Variants in RNF13 observed in about 807,000 individuals in gnomAD.
RNF13 encodes the protein E3 ubiquitin-protein ligase RNF13.
A neutral mutation model predicts 37.7 loss-of-function variants in RNF13; 19 were observed. The observed-to-expected ratio is 0.50, with a 90% CI of 0.35 to 0.74. RNF13 has a LOEUF of 0.74. Among genes scored for constraint, RNF13 ranks in the 30% least tolerant of loss-of-function variants. The pLI is 0.01. For synonymous variants in RNF13, 144 were observed against 157.8 expected, an observed-to-expected ratio of 0.91 and a Z score of 0.65; for missense variants, 375 against 453.0, an observed-to-expected ratio of 0.83 and a Z score of 1.56.
chr3:149,907,556 GTA>G (rs750228364), intron 6 of RNF13, among the ~76,000 whole-genome samples: 5 of 152,180 alleles, frequency 3.3e-5, no homozygotes, highest in Non-Finnish European at 7.3e-5. Flanking sequence ...GACCTCTGGA[GTA>G]AGAGCTGTGT....
chr3:149,906,622 GTCCTT>G (rs1355859051), intron 6 of RNF13, among the ~76,000 whole-genome samples: 1 of 116,098 alleles, frequency 8.6e-6, no homozygotes, highest in Non-Finnish European at 1.8e-5. Flanking sequence ...AGTGTGGTAT[GTCCTT>G]TCATTTGTTC....
chr3:149,895,305 A>G, intron 4 of RNF13, 168 bp from the exon 5 acceptor site: 1 of 472,994 alleles, frequency 2.1e-6, no homozygotes, highest in Non-Finnish European at 3.7e-6. Flanking sequence ...GATTACAGCA[A>G]GTTTCTACCT....
In RNF13 at chr3:149,839,636, CT is replaced by C. The variant is rs750722119; in HGVS notation, c.-16-6374del. ...CTCATGAGAATAGCATGGGAAAGAC[CT>C]GCCCCCATGATTCAATTAACCTCCC... On this transcript the variant is annotated intron_variant, in intron 1 of 9. Transcript: ENST00000392894. 1.9e-3 allele frequency among the ~76,000 whole-genome samples: 288 copies of C among 152,254 alleles called. 1 individual carries two copies. Among genetic ancestry groups the C allele is most frequent in the Non-Finnish European group, 3.5e-3 (236 of 68,016 alleles).
At chr3:149,902,266 T>C (rs1225625699) in intron 6 of RNF13, 104 bp downstream of exon 6, 1 of 532,942 alleles carries the variant, frequency 1.9e-6, no homozygotes, top group Non-Finnish European at 3.3e-6. Flanking sequence ...ATGAACTCTG[T>C]AGTGCTAAAT....
intron 4 of RNF13, among the ~76,000 whole-genome samples, chr3:149,891,133 C>T (rs988185907): frequency 3.3e-5 from 5 of 152,168 alleles, no homozygotes; most frequent in African/African-American, 1.2e-4. Context: ...TCTAACCTGA[C>T]AAAGCAGTGT....
At chr3:149,945,661 A>C (rs1464453837) in intron 8 of RNF13, among the ~76,000 whole-genome samples, 2 of 151,836 alleles carry the variant, frequency 1.3e-5, no homozygotes, top group Non-Finnish European at 2.9e-5. Context: ...ACTGGGAGGC[A>C]CCCCCCAGTA....
At chr3:149,952,046 C>T (rs1052022600) in intron 8 of RNF13, among the ~76,000 whole-genome samples, 6 of 152,156 alleles carry the variant, frequency 3.9e-5, no homozygotes, top group Admixed American at 3.9e-4. Flanking sequence ...TCCTCTTCAA[C>T]TCACTATGTC....
Position 149,903,937 on chromosome 3 carries a change from A to ATCTGTCTG in RNF13, c.500+1803_500+1810dup, listed in dbSNP as rs34025145. 2.3e-3 allele frequency among the ~76,000 whole-genome samples: 336 copies of ATCTGTCTG among 148,486 alleles called. 2 individuals carry two copies. Among genetic ancestry groups the ATCTGTCTG allele is most frequent in the Admixed American group, 3.7e-3 (55 of 14,932 alleles). ...TATCTATCTATCTATATATCTGTCT[A>ATCTGTCTG]TCTGTCTGTCTGTCTGTCTGTCTGT... On this transcript the variant is annotated intron_variant, in intron 6 of 9. Coordinates refer to ENST00000392894, the MANE Select transcript of RNF13 (RefSeq NM_183381.3).
intron 5 of RNF13, among the ~76,000 whole-genome samples, 163 bp from the exon 6 acceptor site, chr3:149,901,909 A>G (rs1196314642): frequency 6.6e-6 from 1 of 152,174 alleles, no homozygotes; most frequent in Non-Finnish European, 1.5e-5. Context: ...ATGTTTCTCA[A>G]CCATTTTGAT....
intron 1 of RNF13, among the ~76,000 whole-genome samples, chr3:149,830,709 G>T (rs1029426814): frequency 2.7e-5 from 4 of 150,924 alleles, no homozygotes; most frequent in Non-Finnish European, 5.9e-5. Context: ...CAAGCCAGCT[G>T]TAGAAATTTG....
At chr3:149,927,417 G>A (rs1718758915) in intron 8 of RNF13, among the ~76,000 whole-genome samples, 1 of 152,100 alleles carries the variant, frequency 6.6e-6, no homozygotes, top group South Asian at 2.1e-4. Flanking sequence ...TACACCTTTT[G>A]GCTATTGTAA....
chr3:149,921,382 A>G (rs562853284), intron 8 of RNF13, among the ~76,000 whole-genome samples, 155 bp downstream of exon 8: 84 of 152,266 alleles, frequency 5.5e-4, no homozygotes, highest in Admixed American at 5.4e-3. Context: ...TACATGTGCC[A>G]TGTTGGTTTG....
At chr3:149,855,031 C>T (rs1433153040) in intron 3 of RNF13, among the ~76,000 whole-genome samples, 3 of 152,128 alleles carry the variant, frequency 2.0e-5, no homozygotes, top group Admixed American at 2.0e-4. Flanking sequence ...AATAATTACC[C>T]TGCAAGGCTG....
chr3:149,829,201 G>C (rs936815607), intron 1 of RNF13, among the ~76,000 whole-genome samples: 2 of 152,154 alleles, frequency 1.3e-5, no homozygotes, highest in Admixed American at 1.3e-4. Flanking sequence ...CCAGGTTCAA[G>C]CGATTCTCCT....
intron 2 of RNF13, among the ~76,000 whole-genome samples, chr3:149,852,273 A>AT (rs1181712690): frequency 1.3e-5 from 2 of 152,244 alleles, no homozygotes; most frequent in African/African-American, 4.8e-5. Context: ...AGTAGGCTGA[A>AT]TTAGTGTTGC....
At chr3:149,923,690 C>T (rs555529151) in intron 8 of RNF13, among the ~76,000 whole-genome samples, 6 of 143,184 alleles carry the variant, frequency 4.2e-5, no homozygotes, top group South Asian at 2.3e-4. Context: ...CACTTGAACC[C>T]GGGAGGCAGA....
At chr3:149,929,827 A>G (rs1718994980) in intron 8 of RNF13, among the ~76,000 whole-genome samples, 1 of 152,116 alleles carries the variant, frequency 6.6e-6, no homozygotes. Context: ...ACTGTTAGAG[A>G]GCAGTTGACT....
intron 5 of RNF13, among the ~76,000 whole-genome samples, chr3:149,896,564 C>G (rs894479065): frequency 2.0e-5 from 3 of 151,742 alleles, no homozygotes; most frequent in Admixed American, 6.6e-5. Flanking sequence ...ACCGCAACCT[C>G]TGCCTCCTGG....
intron 8 of RNF13, among the ~76,000 whole-genome samples, chr3:149,942,495 T>G (rs905463354): frequency 6.6e-6 from 1 of 150,922 alleles, no homozygotes; most frequent in African/African-American, 2.5e-5. Context: ...TTTTGTTTTG[T>G]TTTTTTTACA....
Sources: allele counts gnomAD v4.1 joint callset (sites outside exome capture counted in the v4.1 genomes callset), GRCh38; gene constraint gnomAD v4.1.1; transcripts MANE v1.5; gene names NCBI Gene and HGNC (gene_info 2026-07-23, HGNC 2026-07-21).